The following IL1RAPL1 variants were observed in gnomAD, a reference collection of about 807,000 sequenced individuals.
The protein encoded by IL1RAPL1 is interleukin-1 receptor accessory protein-like 1.
Under a neutral mutation model 48.4 loss-of-function variants are expected in IL1RAPL1, and 3 were observed. The observed-to-expected ratio is 0.06, with a 90% CI of 0.03 to 0.16. The LOEUF is 0.16. Ranked by LOEUF, IL1RAPL1 falls within the 10% of genes least tolerant of loss-of-function variation. The pLI, the probability that IL1RAPL1 is intolerant of heterozygous loss-of-function variation, is 1.00. For missense variants in IL1RAPL1, 349 were observed against 530.6 expected (o/e 0.66, Z 3.36); for synonymous variants, 185 against 187.7 (o/e 0.99, Z 0.12).
At chrX:29,397,903 C>G (rs765282806) in intron 4 of IL1RAPL1, among the ~76,000 whole-genome samples, 1 of 112,179 alleles carries the variant, frequency 8.9e-6, no homozygotes, top group Non-Finnish European at 1.9e-5. Flanking sequence ...AGATGAGAGA[C>G]TACACACACA....
intron 1 of IL1RAPL1, among the ~76,000 whole-genome samples, chrX:28,611,855 T>C (rs1347476971): frequency 8.9e-6 from 1 of 112,614 alleles, no homozygotes; most frequent in East Asian, 2.8e-4. Flanking sequence ...GAACACAAGA[T>C]AAAATATGAT....
chrX:29,945,772 G>A (rs1340308228), intron 9 of IL1RAPL1, among the ~76,000 whole-genome samples: 1 of 111,799 alleles, frequency 8.9e-6, no homozygotes, highest in East Asian at 2.8e-4. Flanking sequence ...GGCATTACCT[G>A]GCTATATCAG....
At chrX:29,544,919 A>G (rs1346761710) in intron 5 of IL1RAPL1, among the ~76,000 whole-genome samples, 1 of 108,488 alleles carries the variant, frequency 9.2e-6, no homozygotes, top group Admixed American at 9.8e-5. Flanking sequence ...GCTCTAATTC[A>G]GTCTGACTGT....
chrX:29,578,027 T>C (rs757487583), intron 5 of IL1RAPL1, among the ~76,000 whole-genome samples: 261 of 112,007 alleles, frequency 2.3e-3, no homozygotes, highest in Middle Eastern at 0.023. Context: ...TCAGTATATA[T>C]AAAGTTCCCA....
intron 6 of IL1RAPL1, among the ~76,000 whole-genome samples, chrX:29,847,852 A>G (rs1451414217): frequency 9.0e-6 from 1 of 111,709 alleles, no homozygotes; most frequent in Non-Finnish European, 1.9e-5. Flanking sequence ...GTGCTTTTTC[A>G]TTTTGTTTTG....
At chrX:29,168,595 T>A (rs1174194440) in intron 2 of IL1RAPL1, among the ~76,000 whole-genome samples, 5 of 88,436 alleles carry the variant, frequency 5.7e-5, no homozygotes, top group Non-Finnish European at 1.2e-4. Context: ...ATATATATAT[T>A]CATATATACA....
intron 2 of IL1RAPL1, among the ~76,000 whole-genome samples, chrX:28,876,667 A>G (rs1411579491): frequency 9.0e-6 from 1 of 111,299 alleles, no homozygotes; most frequent in Non-Finnish European, 1.9e-5. Flanking sequence ...TGGCAGCAAC[A>G]GAAACCTGCA....
intron 5 of IL1RAPL1, among the ~76,000 whole-genome samples, chrX:29,502,771 C>T (rs976278907): frequency 7.2e-5 from 8 of 111,490 alleles, no homozygotes; most frequent in Non-Finnish European, 1.1e-4. Context: ...CTATAGTTTT[C>T]TTTTTTTGTT....
intron 1 of IL1RAPL1, among the ~76,000 whole-genome samples, chrX:28,718,676 G>A (rs144210679): frequency 0.028 from 3,138 of 111,415 alleles, 112 homozygotes; most frequent in African/African-American, 0.097. Flanking sequence ...GGTAAATCAC[G>A]TGATTTATTA....
chrX:29,345,153 T>C (rs1933135157), intron 3 of IL1RAPL1, among the ~76,000 whole-genome samples: 1 of 112,438 alleles, frequency 8.9e-6, no homozygotes, highest in Non-Finnish European at 1.9e-5. Flanking sequence ...TATGCCTCAT[T>C]GTACACATAA....
intron 5 of IL1RAPL1, among the ~76,000 whole-genome samples, chrX:29,568,029 A>G (rs1270154467): frequency 2.7e-5 from 3 of 110,156 alleles, no homozygotes; most frequent in Non-Finnish European, 5.7e-5. Context: ...TAAAGGAAAT[A>G]TATTATATTG....
At chrX:28,973,149 A>C in intron 2 of IL1RAPL1, among the ~76,000 whole-genome samples, 1 of 111,996 alleles carries the variant, frequency 8.9e-6, no homozygotes, top group Non-Finnish European at 1.9e-5. Context: ...TTGCTGCACC[A>C]ATCTCATTTT....
chrX:29,239,971 C>A (rs757912726), intron 2 of IL1RAPL1, among the ~76,000 whole-genome samples: 1 of 107,814 alleles, frequency 9.3e-6, no homozygotes, highest in South Asian at 4.0e-4. Context: ...TTCCTTCTTC[C>A]ACTTAAGGAT....
At chrX:29,903,268 A>T (rs1932534646) in intron 6 of IL1RAPL1, among the ~76,000 whole-genome samples, 1 of 110,707 alleles carries the variant, frequency 9.0e-6, no homozygotes, top group Admixed American at 9.7e-5. Context: ...ATTCAGTGTA[A>T]CTAATGACAA....
chrX:29,535,379 C>T (rs1437389838), intron 5 of IL1RAPL1, among the ~76,000 whole-genome samples: 3 of 111,043 alleles, frequency 2.7e-5, no homozygotes, highest in African/African-American at 9.8e-5. Flanking sequence ...CCCAGATCTT[C>T]TCAGATCCCT....
chrX:28,947,880 T>C (rs1279154078), intron 2 of IL1RAPL1, among the ~76,000 whole-genome samples: 1 of 111,675 alleles, frequency 9.0e-6, no homozygotes, highest in African/African-American at 3.2e-5. Flanking sequence ...GTAGCACTTA[T>C]GCTAAAAATT....
intron 1 of IL1RAPL1, chrX:28,659,113 A>G: frequency 4.4e-6 from 3 of 675,524 alleles, no homozygotes; most frequent in Non-Finnish European, 7.1e-6. Context: ...CTTTTGGCAT[A>G]ATTGTTACAC....
intron 1 of IL1RAPL1, among the ~76,000 whole-genome samples, chrX:28,736,692 TTCAGTATC>T (rs1417839317): frequency 8.9e-6 from 1 of 112,161 alleles, no homozygotes; most frequent in Non-Finnish European, 1.9e-5. Context: ...TGTGCAATTA[TTCAGTATC>T]TCAGGAGTAC....
At chrX:28,895,695 G>T (rs1294487783) in intron 2 of IL1RAPL1, among the ~76,000 whole-genome samples, 1 of 111,618 alleles carries the variant, frequency 9.0e-6, no homozygotes, top group Non-Finnish European at 1.9e-5. Flanking sequence ...CCACAGTTAT[G>T]GAGTTAAGGG....
Sources: allele counts gnomAD v4.1 joint callset (sites outside exome capture counted in the v4.1 genomes callset), GRCh38; gene constraint gnomAD v4.1.1; transcripts MANE v1.5; gene names NCBI Gene and HGNC (gene_info 2026-07-23, HGNC 2026-07-21).